The following PPP2R2C variants were observed in gnomAD, a reference collection of about 807,000 sequenced individuals.
PPP2R2C encodes the protein protein phosphatase 2 regulatory subunit Bgamma.
Under a neutral mutation model 45.3 loss-of-function variants are expected in PPP2R2C, and 10 were observed. The ratio of observed to expected loss-of-function variants is 0.22; its 90% CI spans 0.14 to 0.37. The LOEUF is 0.37. Among genes scored for constraint, PPP2R2C ranks in the 10% least tolerant of loss-of-function variants. The probability of loss-of-function intolerance (pLI) is 1.00; values close to 1 mark genes in which losing one functional copy is unlikely to be tolerated. For synonymous variants in PPP2R2C, 257 were observed against 245.4 expected (o/e 1.05, Z -0.44); for missense variants, 308 against 619.7 (o/e 0.50, Z 5.34).
intron 1 of PPP2R2C, among the ~76,000 whole-genome samples, chr4:6,463,229 C>A (rs530935390): frequency 9.8e-5 from 15 of 152,342 alleles, no homozygotes; most frequent in Non-Finnish European, 1.3e-4. Context: ...CTCTCTGCTT[C>A]ATAGATGGGG....
At chr4:6,481,388 T>C (rs897100961) in intron 2 of PPP2R2C, among the ~76,000 whole-genome samples, 18 of 152,216 alleles carry the variant, frequency 1.2e-4, no homozygotes, top group Admixed American at 3.3e-4. Flanking sequence ...AAGAAAATAA[T>C]ATCCAAATCA....
At chr4:6,401,258 A>G (rs1717391709) in intron 1 of PPP2R2C, among the ~76,000 whole-genome samples, 1 of 152,178 alleles carries the variant, frequency 6.6e-6, no homozygotes. Context: ...GATATGGTTA[A>G]TGGTAAGGAA....
intron 1 of PPP2R2C, among the ~76,000 whole-genome samples, chr4:6,394,050 G>A (rs540074645): frequency 3.9e-5 from 6 of 152,286 alleles, no homozygotes; most frequent in East Asian, 1.9e-4. Context: ...CACAGGCTCC[G>A]GAAAGCCCCA....
intron 2 of PPP2R2C, among the ~76,000 whole-genome samples, chr4:6,533,067 T>G (rs1724459938): frequency 6.6e-6 from 1 of 151,852 alleles, no homozygotes; most frequent in Admixed American, 6.6e-5. Context: ...TGGTCTTGAG[T>G]TAATGACACA....
At chr4:6,446,230 G>A (rs1048345078) in intron 1 of PPP2R2C, among the ~76,000 whole-genome samples, 31 of 152,168 alleles carry the variant, frequency 2.0e-4, no homozygotes, top group African/African-American at 6.5e-4. Flanking sequence ...CCCCTGCAGC[G>A]TCGTCAAACC....
At chr4:6,413,776 C>A (rs1718360489) in intron 1 of PPP2R2C, 3 of 1,252,954 alleles carry the variant, frequency 2.4e-6, no homozygotes, top group Non-Finnish European at 3.3e-6. Flanking sequence ...CACTGAGACT[C>A]TGAGAAGTGG....
intron 1 of PPP2R2C, among the ~76,000 whole-genome samples, chr4:6,452,870 G>C (rs1046808195): frequency 6.6e-6 from 1 of 152,232 alleles, no homozygotes; most frequent in African/African-American, 2.4e-5. Context: ...GTCCCACAGA[G>C]AATCTCGGCT....
At chr4:6,377,678 G>T (rs763941111) in intron 3 of PPP2R2C, among the ~76,000 whole-genome samples, 2 of 152,028 alleles carry the variant, frequency 1.3e-5, no homozygotes, top group Non-Finnish European at 2.9e-5. Flanking sequence ...AGAAAAAAAA[G>T]AATCCAGGTG....
chr4:6,453,701 C>T (rs1720866031), intron 1 of PPP2R2C, among the ~76,000 whole-genome samples: 3 of 152,214 alleles, frequency 2.0e-5, no homozygotes, highest in Admixed American at 2.0e-4. Flanking sequence ...TCGGTGTGTC[C>T]TTCTTGGAGT....
At chr4:6,459,794 C>A (rs4689454) in intron 1 of PPP2R2C, among the ~76,000 whole-genome samples, 93,637 of 151,470 alleles carry the variant, frequency 0.62, 30,422 homozygotes, top group East Asian at 0.8. Flanking sequence ...CACACACACA[C>A]AAAAAAACAG....
rs376058236 is a variant in PPP2R2C at position 6,563,118 on chromosome 4, G to A, written c.-59+442C>T. Among the ~76,000 whole-genome samples the A allele has an allele frequency of 2.6e-5, 4 of 152,206 alleles. No individual in the cohort carries two copies. Among genetic ancestry groups the A allele is most frequent in the African/African-American group, 9.6e-5 (4 of 41,452 alleles). On this transcript the variant is annotated intron_variant, in intron 1 of 9. Coordinates refer to the PPP2R2C transcript ENST00000506140. The surrounding 1 kb of genome is among the most constrained non-coding windows in gnomAD (Gnocchi z 5.8). ...CGCATTGGGTCTTACCCCGGACTCC[G>A]AGCCGGACCCCGCGCCCGCACCTTC...
chr4:6,472,384 GCGGGGGCGGC>G lies in PPP2R2C; in HGVS notation c.-165_-156del, dbSNP rs1242535029. Reference sequence around the variant, plus strand: ...GGAGGGCATCGCGGCAGGGGGACGGGCGGGGGCGGCCGGGGGCGGGCGCCGCGGTCAAGCG... The same window carrying G: ...GGAGGGCATCGCGGCAGGGGGACGGGCGGGGGCGGGCGCCGCGGTCAAGCG... On this transcript the variant is annotated 5_prime_UTR_variant, in exon 1 of 9. Coordinates refer to ENST00000382599, the MANE Select transcript of PPP2R2C (RefSeq NM_020416.4). The G allele has an allele frequency of 2.0e-6, 2 of 1,004,676 alleles. No individual in the cohort carries two copies. The highest frequency in any genetic ancestry group is 2.4e-6 in the Non-Finnish European group (2 of 837,872). The allele number at this position is 1,004,676 out of a possible 1,614,324, so 62.2% of individuals were successfully genotyped here. A position where few individuals can be genotyped will look rare whatever the true frequency, so the allele number is the denominator to read the frequency against.
intron 1 of PPP2R2C, among the ~76,000 whole-genome samples, chr4:6,432,757 G>A (rs1719692265): frequency 6.6e-6 from 1 of 152,168 alleles, no homozygotes; most frequent in African/African-American, 2.4e-5. Flanking sequence ...TGCCAAATAA[G>A]TTAGGAAAAA....
At chr4:6,417,069 C>G (rs1478166754) in intron 1 of PPP2R2C, among the ~76,000 whole-genome samples, 1 of 152,224 alleles carries the variant, frequency 6.6e-6, no homozygotes, top group Non-Finnish European at 1.5e-5. Flanking sequence ...TGAACCTAAG[C>G]CAGGTCCTGC....
intron 1 of PPP2R2C, among the ~76,000 whole-genome samples, chr4:6,390,510 C>A (rs1716540260): frequency 1.3e-5 from 2 of 152,236 alleles, no homozygotes; most frequent in African/African-American, 4.8e-5. Context: ...AGCCAGGCCC[C>A]TCCCCATGTC....
At chr4:6,496,249 C>T (rs965507152) in intron 2 of PPP2R2C, among the ~76,000 whole-genome samples, 4 of 152,160 alleles carry the variant, frequency 2.6e-5, no homozygotes, top group African/African-American at 7.2e-5. Context: ...CAAAGTTCAG[C>T]CCTCTATTTA....
At chr4:6,474,817 C>T (rs868056500), upstream of PPP2R2C, among the ~76,000 whole-genome samples, 4 of 150,976 alleles carry the variant, frequency 2.6e-5, no homozygotes, top group South Asian at 2.1e-4. Flanking sequence ...CCAGCACAAC[C>T]GAGGACTCTC....
rs963958682 is a variant in PPP2R2C at position 6,333,179 on chromosome 4, C to G, written c.960+383G>C. ...ACGGATGCACCCTGGGAGGGCAACG[C>G]TTAACCCTCTTTAATGGTACAGCTC... On this transcript the variant is annotated intron_variant, in intron 7 of 8. Transcript: ENST00000382599. 2.0e-5 allele frequency among the ~76,000 whole-genome samples: 3 copies of G among 152,192 alleles called. No homozygotes were observed. The East Asian group carries it at 5.8e-4, about 29-fold the overall frequency.
rs113611207 is a variant in PPP2R2C at position 6,368,536 on chromosome 4, G to A, written c.625+3987C>T. The stretch of plus-strand genomic sequence containing the variant: ...AGGGCACAATCTGTGTGTTCGGGAC[G>A]GGACAGGAGGCAAGGCTCACGGTAA... On this transcript the variant is annotated intron_variant, in intron 5 of 8. Transcript: ENST00000382599. This position sits in a 1 kb window ranked among gnomAD's most constrained non-coding sequence, Gnocchi z 4.2. Among the ~76,000 whole-genome samples the A allele has an allele frequency of 6.6e-6, 1 of 152,162 alleles. No homozygotes were observed. Among genetic ancestry groups the A allele is most frequent in the Non-Finnish European group, 1.5e-5 (1 of 68,032 alleles).
Sources: gnomAD v4.1 joint callset for allele counts (sites outside exome capture counted in the v4.1 genomes callset) on GRCh38, gnomAD v4.1.1 for gene constraint, Gnocchi (gnomAD v3.1) non-coding constraint, MANE v1.5 for transcripts, NCBI Gene and HGNC (gene_info 2026-07-23, HGNC 2026-07-21) for gene names.